The following ADGRD1 variants were observed in gnomAD, a reference collection of about 807,000 sequenced individuals.
ADGRD1 encodes adhesion G protein-coupled receptor D1.
In ADGRD1, 77 loss-of-function variants were observed where a neutral mutation model predicts 113.4. The ratio of observed to expected loss-of-function variants is 0.68; its 90% CI spans 0.57 to 0.82. The LOEUF is 0.82. ADGRD1 is among the 40% of genes least tolerant of loss of function. ADGRD1 has a pLI of 0.00. For synonymous variants in ADGRD1, 474 were observed against 475.0 expected, an observed-to-expected ratio of 1.00 and a Z score of 0.03; for missense variants, 1,036 against 1,139.1, an observed-to-expected ratio of 0.91 and a Z score of 1.30.
intron 21 of ADGRD1, among the ~76,000 whole-genome samples, chr12:131,132,779 A>C (rs1950971906): frequency 6.6e-6 from 1 of 152,148 alleles, no homozygotes; most frequent in South Asian, 2.1e-4. Flanking sequence ...CCCCCAAACC[A>C]CAGGGCTGAA....
In ADGRD1 at chr12:131,057,817, G is replaced by A. The variant is rs745884393; in HGVS notation, c.1474-18984G>A. Reference sequence around the variant, plus strand: ...CAACCCACAACACAGGTGGAGCTGGGATGAGGCAGAAAATGGGTCTGCATG... The same window carrying A: ...CAACCCACAACACAGGTGGAGCTGGAATGAGGCAGAAAATGGGTCTGCATG... On this transcript the variant is annotated intron_variant, in intron 13 of 24. Transcript: ENST00000261654. The surrounding 1 kb of genome is among the most constrained non-coding windows in gnomAD (Gnocchi z 4.2). Among the ~76,000 whole-genome samples, 1 of 152,146 alleles carries A rather than the reference G, an allele frequency of 6.6e-6. No individual in the cohort carries two copies. Among genetic ancestry groups the A allele is most frequent in the Non-Finnish European group, 1.5e-5 (1 of 68,038 alleles).
Position 131,105,854 on chromosome 12 carries a change from G to A in ADGRD1, c.1876G>A (p.Glu626Lys), listed in dbSNP as rs199778477. 3.3e-5 allele frequency: 52 copies of A among 1,598,188 alleles called. No individual in the cohort carries two copies. The East Asian group carries it at 8.7e-4, about 27-fold the overall frequency. ...QVLLLISFRL[E>K]PGTTPCQVMA... The stretch of plus-strand genomic sequence containing the variant: ...CCTGCTGCTCATTAGTTTCCGCCTC[G>A]AGCCGGGCACGGTGAGTGGGCGCAG... Residue 626 changes from glutamate to lysine, a missense_variant, in exon 17 of 25, where the codon GAG (glutamate) becomes AAG (lysine). Physicochemically the swap from Glu to Lys is moderately conservative, Grantham distance 56. Transcript: ENST00000261654.
At chr12:130,968,816 T>C (rs1871292940) in intron 3 of ADGRD1, 3 of 598,162 alleles carry the variant, frequency 5.0e-6, no homozygotes, top group Non-Finnish European at 8.9e-6. Context: ...TAAACAAGGG[T>C]GGTGGAGGCT....
Position 131,058,990 on chromosome 12 carries a change from G to A in ADGRD1, c.1474-17811G>A, listed in dbSNP as rs139550267. 3.2e-3 allele frequency among the ~76,000 whole-genome samples: 489 copies of A among 152,208 alleles called. 7 individuals carry two copies. Among genetic ancestry groups the A allele is most frequent in the African/African-American group, 0.01 (422 of 41,538 alleles). On this transcript the variant is annotated intron_variant, in intron 13 of 24. Transcript: ENST00000261654. The stretch of plus-strand genomic sequence containing the variant: ...TCTCTTTATGGGGCTGCAGTGACAC[G>A]GATATTATATCTTTCGTTGTTGTCC...
chr12:131,045,088 C>T (rs1882544234), intron 13 of ADGRD1, among the ~76,000 whole-genome samples: 2 of 152,356 alleles, frequency 1.3e-5, no homozygotes, highest in East Asian at 1.9e-4. Context: ...GATCCGAATG[C>T]GAATGGCTGC....
chr12:130,978,328 A>T (rs1196185290), intron 4 of ADGRD1: 1 of 152,074 alleles, frequency 6.6e-6, no homozygotes, highest in Non-Finnish European at 1.5e-5. Context: ...TATGACTCCT[A>T]GATTTTTATT....
At chr12:131,014,490 T>G in intron 13 of ADGRD1, 150 bp downstream of exon 13, 2 of 720,072 alleles carry the variant, frequency 2.8e-6, no homozygotes, top group South Asian at 4.1e-5. Context: ...GCTCCTTCTC[T>G]TGGGCCTTTG....
At chr12:131,123,618 G>A (rs997013459) in intron 20 of ADGRD1, among the ~76,000 whole-genome samples, 2 of 151,744 alleles carry the variant, frequency 1.3e-5, no homozygotes, top group Non-Finnish European at 2.9e-5. Flanking sequence ...TCAGGAGATC[G>A]AGACCATCCT....
chr12:130,964,137 A>G (rs1437201025), intron 2 of ADGRD1, among the ~76,000 whole-genome samples: 2 of 151,878 alleles, frequency 1.3e-5, no homozygotes, highest in African/African-American at 4.9e-5. Flanking sequence ...TAGGAGTTGT[A>G]CTAATATAAT....
chr12:130,978,320 T>C (rs113960622), intron 4 of ADGRD1: 3,277 of 152,344 alleles, frequency 0.022, 57 homozygotes, highest in African/African-American at 0.047. Flanking sequence ...TCTTTTCTTA[T>C]GACTCCTAGA....
At position 131,060,968 on chromosome 12, in the gene ADGRD1, G is replaced by A. The variant is rs1018245175; in HGVS notation, c.1474-15833G>A. Among the ~76,000 whole-genome samples the A allele has an allele frequency of 9.2e-5, 14 of 152,076 alleles. No homozygotes were observed. The highest frequency in any genetic ancestry group is 4.4e-5 in the Non-Finnish European group (3 of 68,008). On this transcript the variant is annotated intron_variant, in intron 13 of 24. Coordinates refer to ENST00000261654, the MANE Select transcript of ADGRD1 (RefSeq NM_198827.5). The surrounding 1 kb of genome is among the most constrained non-coding windows in gnomAD (Gnocchi z 4.4). ...TCCTGAAGGTCCCTCCTCCTGGGGTGCATTTTACGTAACACTGTTCAGACC... is the reference window on the plus strand; with the variant it reads ...TCCTGAAGGTCCCTCCTCCTGGGGTACATTTTACGTAACACTGTTCAGACC...
Position 131,003,023 on chromosome 12 carries a change from CGT to C in ADGRD1, c.1027-158_1027-157del, listed in dbSNP as rs1272533046. ...TGAGCTCAGTCGGGTGTGTGGCCTC[CGT>C]GTGGTCCCCTCCTGATCCATGGGAA... On this transcript the variant is annotated intron_variant, in intron 9 of 24. Coordinates refer to ENST00000261654, the MANE Select transcript of ADGRD1 (RefSeq NM_198827.5). The surrounding 1 kb of genome is among the most constrained non-coding windows in gnomAD (Gnocchi z 4.8). Among the ~76,000 whole-genome samples, 2 of 152,156 alleles carry C rather than the reference CGT, an allele frequency of 1.3e-5. No individual in the cohort carries two copies. The highest frequency in any genetic ancestry group is 6.5e-5 in the Admixed American group (1 of 15,282).
chr12:131,137,214 G>A (rs970831312), intron 23 of ADGRD1, 200 bp downstream of exon 23: 9 of 616,972 alleles, frequency 1.5e-5, no homozygotes, highest in African/African-American at 7.4e-5. Flanking sequence ...GTTGCTAAGC[G>A]ATATGCAAGC....
intron 9 of ADGRD1, among the ~76,000 whole-genome samples, chr12:131,001,937 T>A: frequency 6.6e-6 from 1 of 152,162 alleles, no homozygotes; most frequent in East Asian, 1.9e-4. Flanking sequence ...TGCGTTAGAG[T>A]TTACATTTGA....
In ADGRD1 at chr12:131,140,816, C is replaced by T. The variant is rs1053307555; in HGVS notation, c.*1553C>T. ...ATGTCTGCAGGGGTGAACCTTTGCT[C>T]TTCTGTCAGGCGAGGCCCAGGCTGC... On this transcript the variant is annotated 3_prime_UTR_variant, in exon 25 of 25. Transcript: ENST00000261654. The T allele has an allele frequency of 1.9e-4, 29 of 152,274 alleles. No homozygotes were observed. Among genetic ancestry groups the T allele is most frequent in the African/African-American group, 6.8e-4 (28 of 41,466 alleles). The allele number at this position is 152,274 out of a possible 1,614,324, so 9.4% of individuals were successfully genotyped here. A position where few individuals can be genotyped will look rare whatever the true frequency, so the allele number is the denominator to read the frequency against.
Position 131,041,458 on chromosome 12 carries a change from C to T in ADGRD1, c.1473+27118C>T, listed in dbSNP as rs1263123740. 2.0e-5 allele frequency among the ~76,000 whole-genome samples: 3 copies of T among 152,182 alleles called. No homozygotes were observed. The highest frequency in any genetic ancestry group is 4.4e-5 in the Non-Finnish European group (3 of 68,032). On this transcript the variant is annotated intron_variant, in intron 13 of 24. Coordinates refer to ENST00000261654, the MANE Select transcript of ADGRD1 (RefSeq NM_198827.5). The surrounding 1 kb of genome is among the most constrained non-coding windows in gnomAD (Gnocchi z 4.4). ...AAGCGGCTTTTGCCTCCCACCCCAC[C>T]CTTGAGGGTATAACTAGTGACCTTG... is the stretch of plus-strand genomic sequence containing the variant.
At chr12:130,959,686 G>A (rs1331122142) in intron 2 of ADGRD1, among the ~76,000 whole-genome samples, 4 of 152,228 alleles carry the variant, frequency 2.6e-5, no homozygotes, top group Non-Finnish European at 5.9e-5. Context: ...GCTCACAGGT[G>A]GCTGTTTTGG....
chr12:130,981,377 T>A (rs970813826), intron 4 of ADGRD1: 2 of 152,250 alleles, frequency 1.3e-5, no homozygotes, highest in African/African-American at 4.8e-5. Context: ...TTTATAGAAA[T>A]GTTGTTTATA....
chr12:131,049,699 G>A (rs1288332003), intron 13 of ADGRD1, among the ~76,000 whole-genome samples: 2 of 152,170 alleles, frequency 1.3e-5, no homozygotes, highest in East Asian at 1.9e-4. Context: ...TCTGGGGTGC[G>A]AGCAGGGGCG....
Sources: gnomAD v4.1 joint callset for allele counts (sites outside exome capture counted in the v4.1 genomes callset) on GRCh38, gnomAD v4.1.1 for gene constraint, Gnocchi (gnomAD v3.1) non-coding constraint, MANE v1.5 for transcripts, NCBI Gene and HGNC (gene_info 2026-07-23, HGNC 2026-07-21) for gene names.